LRWD1: variants seen among roughly 807,000 people sequenced by gnomAD.
The protein encoded by LRWD1 is leucine-rich repeat and WD repeat-containing protein 1.
LRWD1 carries 76 observed loss-of-function variants against 75.6 expected under a neutral mutation model. The observed-to-expected ratio is 1.01, with a 90% CI of 0.84 to 1.22. LRWD1 has a LOEUF of 1.22. Ranked by LOEUF, LRWD1 falls within the 50% of genes most tolerant of loss-of-function variation. LRWD1 has a pLI of 0.00. For missense variants in LRWD1, 917 were observed against 862.0 expected, an observed-to-expected ratio of 1.06 and a Z score of -0.80; for synonymous variants, 487 against 377.0, an observed-to-expected ratio of 1.29 and a Z score of -3.38.
Position 102,472,602 on chromosome 7 carries a change from C to T in LRWD1, c.1683C>T (p.Ala561=), listed in dbSNP as rs375571800. 5.6e-6 allele frequency: 9 copies of T among 1,609,400 alleles called. No individual in the cohort carries two copies. The highest frequency in any genetic ancestry group is 7.6e-6 in the Non-Finnish European group (9 of 1,177,728). Residue 561 remains alanine, a synonymous_variant, in exon 13 of 15, where the codon GCC becomes GCT. Coordinates refer to ENST00000292616, the MANE Select transcript of LRWD1 (RefSeq NM_152892.3). The stretch of plus-strand genomic sequence containing the variant: ...AGTTGGCCTACTTCTCGCTCAGCGC[C>T]TGCCCTGGTGAGCCTGCCCCCCTGC... The part of the protein sequence containing the change: ...STELAYFSLS[A]CPDKGIVLCG...
rs1254754315 is a variant in LRWD1 at position 102,468,947 on chromosome 7, G to C, written c.1113G>C (p.Arg371=). The C allele has an allele frequency of 1.2e-6, 2 of 1,612,830 alleles. No individual in the cohort carries two copies. The highest frequency in any genetic ancestry group is 1.7e-6 in the Non-Finnish European group (2 of 1,179,924). The change falls in exon 9 of 15, where the codon CGG becomes CGC. Residue 371 remains arginine (R), a synonymous_variant. Transcript: ENST00000292616. ...GTGTGCTGGCGGCTGCAGGCCTACG[G>C]GGCCTGGTCCGGCTGCTGCACGTGC... ...RWSVLAAAGL[R]GLVRLLHVRA...
Position 102,469,573 on chromosome 7 carries a change from G to A in LRWD1, c.1229-1G>A, listed in dbSNP as rs113620892. On this transcript the variant is annotated splice_acceptor_variant, in intron 9 of 14. Transcript: ENST00000292616. LOFTEE classifies it high-confidence loss of function. Reference sequence around the variant, plus strand: ...TCTCCCCTACCCCACCCCCTCTTCAGCGGCCTCCTATGACAAGCGGATCAT... The same window carrying A: ...TCTCCCCTACCCCACCCCCTCTTCAACGGCCTCCTATGACAAGCGGATCAT... 6 of 1,614,140 alleles carry A rather than the reference G, an allele frequency of 3.7e-6. No individual in the cohort carries two copies. Among genetic ancestry groups the A allele is most frequent in the Admixed American group, 1.7e-5 (1 of 60,018 alleles).
chr7:102,465,980 G>A lies in LRWD1; in HGVS notation c.244G>A (p.Gly82Arg). 1 of 1,613,954 alleles carries A rather than the reference G, an allele frequency of 6.2e-7. No individual in the cohort carries two copies. The highest frequency in any genetic ancestry group is 8.5e-7 in the Non-Finnish European group (1 of 1,180,016). The change falls in exon 2 of 15, where the codon GGG (glycine) becomes AGG (arginine). Residue 82 changes from glycine (G) to arginine (R), a missense_variant. Physicochemically the swap from Gly to Arg is moderately radical, Grantham distance 125. Coordinates refer to ENST00000292616, the MANE Select transcript of LRWD1 (RefSeq NM_152892.3). ...CCTCCGCTGCGCCAACAACCAGCTG[G>A]GGGATGTTACTGCCTTGTGCCAGTT... Reference protein sequence around the residue: ...RVLRCANNQLGDVTALCQFPK... With the variant: ...RVLRCANNQLRDVTALCQFPK...
At chr7:102,467,929 C>G (rs983768000) in intron 5 of LRWD1, 106 bp downstream of exon 5, 1 of 1,501,498 alleles carries the variant, frequency 6.7e-7, no homozygotes, top group African/African-American at 1.4e-5. Flanking sequence ...CACCCCAGGT[C>G]CTGGCTCACT....
rs1554579596 is a variant in LRWD1 at position 102,467,171 on chromosome 7, G to GTGTGTGTGTATGTGTGTGTGT, written c.433-168_433-167insTGTGTGTGTATGTGTGTGTGT. ...TGGGTTGTTGCTGGGGTGTGTGTGG[G>GTGTGTGTGTATGTGTGTGTGT]GTGTGTGTGTGTGTGTGTGTGTGTG... is the stretch of plus-strand genomic sequence containing the variant. On this transcript the variant is annotated intron_variant, in intron 3 of 14. Transcript: ENST00000292616. Among the ~76,000 whole-genome samples, 262 of 99,144 alleles carry GTGTGTGTGTATGTGTGTGTGT rather than the reference G, an allele frequency of 2.6e-3. 19 individuals carry two copies. Among genetic ancestry groups the GTGTGTGTGTATGTGTGTGTGT allele is most frequent in the Admixed American group, 3.7e-3 (34 of 9,246 alleles). The allele number at this position is 99,144 out of a possible 152,430, so 65.0% of individuals were successfully genotyped here.
Position 102,465,102 on chromosome 7 carries a change from C to A in LRWD1, c.22C>A (p.Leu8Met). 2.7e-6 allele frequency: 4 copies of A among 1,504,426 alleles called. No homozygotes were observed. Among genetic ancestry groups the A allele is most frequent in the East Asian group, 5.7e-5 (2 of 35,016 alleles). 93.2% of individuals were successfully genotyped at this position (1,504,426 alleles called of 1,614,324 possible). The change falls in exon 1 of 15, where the codon CTG becomes ATG. Residue 8 changes from leucine (L) to methionine (M), a missense_variant. Physicochemically the swap from Leu to Met is conservative, Grantham distance 15. Coordinates refer to ENST00000292616, the MANE Select transcript of LRWD1 (RefSeq NM_152892.3). ...CGCCATGGGCCCCCTCTCGGCGCGG[C>A]TGCTAATGCAGCGCGGGCGCCCCAA... MGPLSAR[L>M]LMQRGRPKSD...
rs373070226 is a variant in LRWD1, at chr7:102,468,208, G to A, written c.804+21G>A. 3.2e-4 allele frequency: 511 copies of A among 1,604,544 alleles called. 3 individuals are homozygous for A. The highest frequency in any genetic ancestry group is 1.8e-4 in the Non-Finnish European group (209 of 1,176,626). Reference sequence around the variant, plus strand: ...GCCAGGTGAGCTGAGGTGGCAAGGAGCAGGTGGCAGATGAGTCGGGGCTGG... The same window carrying A: ...GCCAGGTGAGCTGAGGTGGCAAGGAACAGGTGGCAGATGAGTCGGGGCTGG... On this transcript the variant is annotated intron_variant, in intron 6 of 14. Coordinates refer to ENST00000292616, the MANE Select transcript of LRWD1 (RefSeq NM_152892.3).
In LRWD1 at chr7:102,472,487, T is replaced by C. The variant is rs1390263579; in HGVS notation, c.1568T>C (p.Leu523Pro). Reference sequence around the variant, plus strand: ...GGGAGCGGCCTGGGCACCATCTGCCTGTGGAGCTGGAGGCAGACGTGGGGG... The same window carrying C: ...GGGAGCGGCCTGGGCACCATCTGCCCGTGGAGCTGGAGGCAGACGTGGGGG... Reference protein sequence around the residue: ...SKGSGLGTICLWSWRQTWGGR... With the variant: ...SKGSGLGTICPWSWRQTWGGR... The change falls in exon 13 of 15, where the codon CTG becomes CCG. Residue 523 changes from leucine to proline, a missense_variant. By Grantham distance (98) the Leu-to-Pro change is moderately conservative (BLOSUM62 -3). Transcript: ENST00000292616. 1 of 1,543,516 alleles carries C rather than the reference T, an allele frequency of 6.5e-7. No homozygotes were observed. The highest frequency in any genetic ancestry group is 8.7e-7 in the Non-Finnish European group (1 of 1,143,594).
At chr7:102,472,871 CAGG>C in intron 14 of LRWD1, 35 bp from the exon 15 acceptor site, 1 of 1,611,664 alleles carries the variant, frequency 6.2e-7, no homozygotes, top group South Asian at 1.1e-5. Context: ...CTTTGGTCAG[CAGG>C]AGCCCAGCCC....
chr7:102,470,301 T>C (rs1798148210), intron 11 of LRWD1: 1 of 163,828 alleles, frequency 6.1e-6, no homozygotes, highest in Admixed American at 6.4e-5. Flanking sequence ...TGAGGCTTTC[T>C]GGCTCATCTG....
Position 102,472,211 on chromosome 7 carries a change from C to G in LRWD1, c.1443-7C>G. ...ATGGCCAACTAGCATCTCGTGCTGC[C>G]CCACAGGGTGTGTGAAGTGGAATTC... is the stretch of plus-strand genomic sequence containing the variant. On this transcript the variant is annotated splice_region_variant and splice_polypyrimidine_tract_variant and intron_variant, in intron 11 of 14. Coordinates refer to ENST00000292616, the MANE Select transcript of LRWD1 (RefSeq NM_152892.3). 1.9e-6 allele frequency: 3 copies of G among 1,585,002 alleles called. No homozygotes were observed. The highest frequency in any genetic ancestry group is 2.6e-6 in the Non-Finnish European group (3 of 1,163,638).
chr7:102,470,719 C>G (rs560133659), intron 11 of LRWD1: 1 of 152,230 alleles, frequency 6.6e-6, no homozygotes, highest in Non-Finnish European at 1.5e-5. Flanking sequence ...GGTGCCTGGG[C>G]GGGGCACGCC....
At position 102,465,167 on chromosome 7, in the gene LRWD1, G is replaced by A; in HGVS notation, c.80+7G>A. ...GGAAGATCCGGAGTCTGGAGTAAGA[G>A]CCGGGCAGCGGGTGAGGCTGTGTCC... On this transcript the variant is annotated splice_region_variant and intron_variant, in intron 1 of 14. Transcript: ENST00000292616. 6 of 1,495,552 alleles carry A rather than the reference G, an allele frequency of 4.0e-6. No homozygotes were observed. Among genetic ancestry groups the A allele is most frequent in the Middle Eastern group, 1.7e-4 (1 of 5,770 alleles). The allele number at this position is 1,495,552 out of a possible 1,614,324, so 92.6% of individuals were successfully genotyped here. A position where few individuals can be genotyped will look rare whatever the true frequency, so the allele number is the denominator to read the frequency against.
At position 102,468,629 on chromosome 7, in the gene LRWD1, T is replaced by G. The variant is rs375633907; in HGVS notation, c.995T>G (p.Leu332Arg). The part of the protein sequence containing the change: ...CVIDCQTGIV[L>R]HKYKAPGEEF... ...ATTGATTGCCAGACGGGCATCGTGC[T>G]CCACAAGTACAAGGCACCCGGCGAG... Residue 332 changes from leucine (L) to arginine (R), a missense_variant, in exon 8 of 15, where the codon CTC becomes CGC. By Grantham distance (102) the Leu-to-Arg change is moderately radical. Transcript: ENST00000292616. 1.3e-5 allele frequency: 21 copies of G among 1,574,006 alleles called. No individual in the cohort carries two copies. The highest frequency in any genetic ancestry group is 1.7e-5 in the Non-Finnish European group (20 of 1,159,706).
At chr7:102,466,371 G>C in intron 3 of LRWD1, 101 bp downstream of exon 3, 1 of 908,646 alleles carries the variant, frequency 1.1e-6, no homozygotes, top group East Asian at 2.6e-5. Flanking sequence ...GTGACTGATA[G>C]AGGCTCTTTG....
At position 102,465,920 on chromosome 7, in the gene LRWD1, C is replaced by T; in HGVS notation, c.184C>T (p.Leu62=). The change falls in exon 2 of 15, where the codon CTG becomes TTG. Residue 62 remains leucine, a synonymous_variant. Transcript: ENST00000292616. Reference sequence around the variant, plus strand: ...CCTGTCTAACAACCACCTGGAGACGCTGCCGGACAACCTGGGCCTGTCCCA... The same window carrying T: ...CCTGTCTAACAACCACCTGGAGACGTTGCCGGACAACCTGGGCCTGTCCCA... The part of the protein sequence containing the change: ...LDLSNNHLET[L]PDNLGLSHLR... 6.2e-7 allele frequency: 1 copy of T among 1,613,796 alleles called. No individual in the cohort carries two copies. Among genetic ancestry groups the T allele is most frequent in the East Asian group, 2.2e-5 (1 of 44,886 alleles).
In LRWD1 at chr7:102,473,007, C is replaced by G. The variant is rs1044531869; in HGVS notation, c.1902C>G (p.Ala634=). ...ATGCCTCCTTCACCTACCTCACCGC[C>G]CTGACGGACTCCAACATCGTAGCCA... The part of the protein sequence containing the change: ...VANASFTYLT[A]LTDSNIVAIW... Residue 634 remains alanine, a synonymous_variant, in exon 15 of 15, where the codon GCC becomes GCG. Coordinates refer to ENST00000292616, the MANE Select transcript of LRWD1 (RefSeq NM_152892.3). 4 of 1,614,096 alleles carry G rather than the reference C, an allele frequency of 2.5e-6. No individual in the cohort carries two copies. The highest frequency in any genetic ancestry group is 3.4e-6 in the Non-Finnish European group (4 of 1,179,998).
chr7:102,469,940 C>T, intron 11 of LRWD1, 58 bp downstream of exon 11: 1 of 1,443,942 alleles, frequency 6.9e-7, no homozygotes, highest in Non-Finnish European at 9.1e-7. Context: ...TGGCTGTTGG[C>T]CCAGATGGGC....
At chr7:102,470,158 C>T (rs1389400152) in intron 11 of LRWD1, 5 of 417,562 alleles carry the variant, frequency 1.2e-5, no homozygotes, top group Non-Finnish European at 2.1e-5. Flanking sequence ...TGATCCAGCC[C>T]ACTCCTGCCA....
Sources: allele counts gnomAD v4.1 joint callset (sites outside exome capture counted in the v4.1 genomes callset), GRCh38; gene constraint gnomAD v4.1.1; transcripts MANE v1.5; gene names NCBI Gene and HGNC (gene_info 2026-07-23, HGNC 2026-07-21).